Variants in ZDHHC2 observed in about 807,000 individuals in gnomAD.
ZDHHC2 encodes palmitoyltransferase ZDHHC2.
In ZDHHC2, 51 loss-of-function variants were observed where a neutral mutation model predicts 55.6. The ratio of observed to expected loss-of-function variants is 0.92; its 90% CI spans 0.73 to 1.16. The LOEUF is 1.16. Ranked by LOEUF, ZDHHC2 falls within the 50% of genes most tolerant of loss-of-function variation. ZDHHC2 has a pLI of 0.00. For synonymous variants in ZDHHC2, 199 were observed against 152.9 expected (o/e 1.30, Z -2.22); for missense variants, 491 against 442.4 (o/e 1.11, Z -0.99).
chr8:17,198,267 T>A, intron 5 of ZDHHC2, 114 bp from the exon 6 acceptor site: 2 of 890,334 alleles, frequency 2.2e-6, no homozygotes, highest in Non-Finnish European at 3.2e-6. Context: ...TAAATAATTT[T>A]GCAATATTTT....
Position 17,210,275 on chromosome 8 carries a change from A to AT in ZDHHC2, c.858-105dup, listed in dbSNP as rs918554774. 148 of 1,157,894 alleles carry AT rather than the reference A, an allele frequency of 1.3e-4. 1 individual carries two copies. The highest frequency in any genetic ancestry group is 4.1e-4 in the South Asian group (25 of 60,944). The allele number at this position is 1,157,894 out of a possible 1,614,324, so 71.7% of individuals were successfully genotyped here. On this transcript the variant is annotated intron_variant, in intron 9 of 12. Coordinates refer to ENST00000262096, the MANE Select transcript of ZDHHC2 (RefSeq NM_016353.5). The stretch of plus-strand genomic sequence containing the variant: ...ATGTTGAGCTCAATGTCTAATACAC[A>AT]TTTTTTTTGCCTAGAGTATAGCATG...
Position 17,208,081 on chromosome 8 carries a change from A to C in ZDHHC2, c.719A>C (p.Lys240Thr). 6.4e-7 allele frequency: 1 copy of C among 1,571,864 alleles called. No individual in the cohort carries two copies. The highest frequency in any genetic ancestry group is 8.6e-7 in the Non-Finnish European group (1 of 1,156,840). Residue 240 changes from lysine (K) to threonine (T), a missense_variant, in exon 8 of 13, where the codon AAA becomes ACA. Coordinates refer to ENST00000262096, the MANE Select transcript of ZDHHC2 (RefSeq NM_016353.5). ...CATTGTTGGCTAGTCAGCAAAAATAAATCTACATTAGGTGAGTATCCAATT... is the reference window on the plus strand; with the variant it reads ...CATTGTTGGCTAGTCAGCAAAAATACATCTACATTAGGTGAGTATCCAATT... ...GYHCWLVSKN[K>T]STLEAFRSPV...
intron 2 of ZDHHC2, among the ~76,000 whole-genome samples, chr8:17,185,521 T>G (rs1292774965): frequency 1.3e-5 from 2 of 151,542 alleles, no homozygotes; most frequent in Admixed American, 1.3e-4. Context: ...AATACTAACA[T>G]TAGCCAGGTG....
chr8:17,224,156 G>C lies in ZDHHC2; in HGVS notation c.*3935G>C, dbSNP rs1052677770. On this transcript the variant is annotated 3_prime_UTR_variant, in exon 13 of 13. Coordinates refer to ENST00000262096, the MANE Select transcript of ZDHHC2 (RefSeq NM_016353.5). ...AGAATTGTTCTTATACCAGCAAAAA[G>C]TTCAAATACAATAACCTGGGCAATG... The C allele has an allele frequency of 7.3e-5, 11 of 151,582 alleles. No homozygotes were observed. The highest frequency in any genetic ancestry group is 2.2e-4 in the African/African-American group (9 of 41,374). The allele number at this position is 151,582 out of a possible 1,614,324, so 9.4% of individuals were successfully genotyped here. A position where few individuals can be genotyped will look rare whatever the true frequency, so the allele number is the denominator to read the frequency against.
chr8:17,188,499 A>C (rs1165210897), intron 3 of ZDHHC2, among the ~76,000 whole-genome samples: 1 of 152,138 alleles, frequency 6.6e-6, no homozygotes, highest in African/African-American at 2.4e-5. Flanking sequence ...TTTCTCATGG[A>C]AATAATATAT....
intron 6 of ZDHHC2, among the ~76,000 whole-genome samples, chr8:17,203,471 C>T (rs761122956): frequency 3.6e-4 from 55 of 152,066 alleles, no homozygotes; most frequent in South Asian, 4.1e-4. Flanking sequence ...TGACCTCAGG[C>T]GATCTGCCTG....
At chr8:17,197,794 C>A in intron 5 of ZDHHC2, 143 bp downstream of exon 5, 2 of 880,280 alleles carry the variant, frequency 2.3e-6, no homozygotes, top group Admixed American at 2.7e-5. Flanking sequence ...TTGGTATAAC[C>A]CGCTGGCATT....
intron 1 of ZDHHC2, among the ~76,000 whole-genome samples, chr8:17,171,731 C>T (rs1804864857): frequency 6.6e-6 from 1 of 151,556 alleles, no homozygotes; most frequent in African/African-American, 2.4e-5. Context: ...CATGGATGAA[C>T]CTGGAAGACA....
intron 6 of ZDHHC2, among the ~76,000 whole-genome samples, chr8:17,199,585 CTTCTTT>C (rs1563161529): frequency 7.4e-4 from 49 of 66,332 alleles, no homozygotes; most frequent in Non-Finnish European, 1.8e-3. Context: ...TCTTCTTCTT[CTTCTTT>C]CTTCTTCTTT....
intron 1 of ZDHHC2, among the ~76,000 whole-genome samples, chr8:17,174,577 TG>T (rs1208010274): frequency 1.3e-5 from 2 of 152,194 alleles, no homozygotes; most frequent in Admixed American, 1.3e-4. Context: ...TTTTGATGGC[TG>T]ATCTAGAGGC....
intron 1 of ZDHHC2, among the ~76,000 whole-genome samples, chr8:17,165,107 G>A (rs998891081): frequency 6.6e-6 from 1 of 152,192 alleles, no homozygotes; most frequent in African/African-American, 2.4e-5. Context: ...GTCCACTCCA[G>A]AACAGCTGAG....
At chr8:17,199,521 G>T (rs949034513) in intron 6 of ZDHHC2, among the ~76,000 whole-genome samples, 554 of 35,480 alleles carry the variant, frequency 0.016, 7 homozygotes, top group Non-Finnish European at 0.032. Flanking sequence ...CTTCGTCTTC[G>T]TCTTCGTCTT....
chr8:17,199,512 TTCGTCTTCGTCTTCG>T (rs1563161147), intron 6 of ZDHHC2, among the ~76,000 whole-genome samples: 12 of 39,646 alleles, frequency 3.0e-4, no homozygotes, highest in Non-Finnish European at 6.6e-4. Context: ...CTTCTTCTTC[TTCGTCTTCGTCTTCG>T]TCTTCTGTCT....
At chr8:17,215,405 C>A in intron 11 of ZDHHC2, 56 bp downstream of exon 11, 5 of 1,421,188 alleles carry the variant, frequency 3.5e-6, no homozygotes, top group Non-Finnish European at 3.9e-6. Flanking sequence ...AGAAGGTAAA[C>A]GTGGTTAAAA....
intron 7 of ZDHHC2, among the ~76,000 whole-genome samples, chr8:17,206,725 AT>A: frequency 6.6e-6 from 1 of 152,352 alleles, no homozygotes; most frequent in East Asian, 1.9e-4. Context: ...GATTTAAGAT[AT>A]CCACAGGTCC....
intron 3 of ZDHHC2, among the ~76,000 whole-genome samples, chr8:17,192,016 C>G (rs1023506043): frequency 6.6e-6 from 1 of 152,116 alleles, no homozygotes; most frequent in African/African-American, 2.4e-5. Context: ...TAAGGTCTTG[C>G]TCTGTTGGCC....
At chr8:17,172,660 G>C (rs1174538203) in intron 1 of ZDHHC2, among the ~76,000 whole-genome samples, 2 of 152,132 alleles carry the variant, frequency 1.3e-5, no homozygotes, top group East Asian at 3.8e-4. Flanking sequence ...TAAACGTAAG[G>C]ATTAAGAGCT....
intron 1 of ZDHHC2, among the ~76,000 whole-genome samples, chr8:17,169,232 A>ATTTT (rs33912144): frequency 7.3e-6 from 1 of 137,348 alleles, no homozygotes; most frequent in Non-Finnish European, 1.6e-5. Flanking sequence ...CACTGCAGCA[A>ATTTT]TTTTTTTTTT....
chr8:17,196,393 A>G (rs1216624646), intron 4 of ZDHHC2, among the ~76,000 whole-genome samples: 1 of 151,934 alleles, frequency 6.6e-6, no homozygotes, highest in African/African-American at 2.4e-5. Context: ...AATATATATA[A>G]AATATCTCAT....
Sources: gnomAD v4.1 joint callset for allele counts (sites outside exome capture counted in the v4.1 genomes callset) on GRCh38, gnomAD v4.1.1 for gene constraint, MANE v1.5 for transcripts, NCBI Gene and HGNC (gene_info 2026-07-23, HGNC 2026-07-21) for gene names.